RBMS3: variants seen among roughly 807,000 people sequenced by gnomAD.
RBMS3 encodes RNA-binding motif, single-stranded-interacting protein 3.
In RBMS3, 27 loss-of-function variants were observed where a neutral mutation model predicts 66.8. The observed-to-expected ratio is 0.40, with a 90% CI of 0.30 to 0.56. RBMS3 has a LOEUF of 0.56. RBMS3 is among the 20% of genes least tolerant of loss of function. RBMS3 has a pLI of 0.40. For synonymous variants in RBMS3, 188 were observed against 183.0 expected (o/e 1.03, Z -0.22); for missense variants, 513 against 549.5 (o/e 0.93, Z 0.66).
chr3:29,632,465 T>C (rs2049319302), intron 4 of RBMS3, among the ~76,000 whole-genome samples: 1 of 151,948 alleles, frequency 6.6e-6, no homozygotes, highest in Non-Finnish European at 1.5e-5. Flanking sequence ...ATTGAAATTC[T>C]AGAAAGTTTT....
chr3:29,892,835 GTATGTATGTATT>G (rs1382454722), intron 8 of RBMS3, among the ~76,000 whole-genome samples: 1 of 127,020 alleles, frequency 7.9e-6, no homozygotes, highest in South Asian at 2.4e-4. Flanking sequence ...ATGTATGTAT[GTATGTATGTATT>G]TATTTATTTA....
chr3:29,664,614 C>A (rs576532279), intron 4 of RBMS3, among the ~76,000 whole-genome samples: 15 of 149,700 alleles, frequency 1.0e-4, no homozygotes, highest in Non-Finnish European at 2.1e-4. Flanking sequence ...AAGCATTATA[C>A]AAAAAAATAG....
chr3:29,922,636 T>C (rs183334858), intron 10 of RBMS3, among the ~76,000 whole-genome samples: 1 of 152,314 alleles, frequency 6.6e-6, no homozygotes, highest in East Asian at 1.9e-4. Flanking sequence ...TTGCAGACGG[T>C]TTGGCATATA....
At chr3:29,691,949 A>ATTTTTCTTTTTTTTT (rs2052037464) in intron 4 of RBMS3, among the ~76,000 whole-genome samples, 1 of 65,014 alleles carries the variant, frequency 1.5e-5, no homozygotes, top group Non-Finnish European at 2.9e-5. Flanking sequence ...CTCTCTCTCT[A>ATTTTTCTTTTTTTTT]TTTTTTTTTT....
chr3:29,455,803 C>CAAA (rs1156784644), intron 2 of RBMS3, among the ~76,000 whole-genome samples: 35 of 116,970 alleles, frequency 3.0e-4, no homozygotes, highest in Middle Eastern at 4.2e-3. Context: ...CACACACGCA[C>CAAA]AAAAAAAAAA....
At chr3:29,931,439 T>C (rs953082725) in intron 10 of RBMS3, among the ~76,000 whole-genome samples, 1 of 152,192 alleles carries the variant, frequency 6.6e-6, no homozygotes, top group Non-Finnish European at 1.5e-5. Flanking sequence ...GCTTACAAAG[T>C]TAAAGGCTAC....
intron 1 of RBMS3, among the ~76,000 whole-genome samples, chr3:29,424,681 AC>A (rs1470732013): frequency 2.6e-5 from 4 of 152,272 alleles, no homozygotes; most frequent in Admixed American, 1.3e-4. Flanking sequence ...TATCAAAAAA[AC>A]CTGATACTAT....
intron 3 of RBMS3, among the ~76,000 whole-genome samples, chr3:29,514,588 G>T (rs1313080396): frequency 2.7e-5 from 4 of 147,386 alleles, no homozygotes; most frequent in Non-Finnish European, 5.9e-5. Context: ...AAAAGGAAGC[G>T]ATTTATCCCC....
chr3:29,696,543 T>C (rs1044429436), intron 4 of RBMS3, among the ~76,000 whole-genome samples: 9 of 152,200 alleles, frequency 5.9e-5, no homozygotes, highest in African/African-American at 2.2e-4. Context: ...GATCTTTTGT[T>C]ACATCAGCCA....
intron 1 of RBMS3, among the ~76,000 whole-genome samples, chr3:29,428,609 T>C (rs151145552): frequency 7.8e-4 from 118 of 152,198 alleles, no homozygotes; most frequent in Admixed American, 4.8e-3. Context: ...CAACTAACCT[T>C]TCTCCAAACC....
chr3:29,721,416 T>C (rs1388572121), intron 4 of RBMS3, among the ~76,000 whole-genome samples: 1 of 152,184 alleles, frequency 6.6e-6, no homozygotes, highest in Non-Finnish European at 1.5e-5. Flanking sequence ...AGTGGTCTAA[T>C]ACTAGGGTAT....
intron 5 of RBMS3, among the ~76,000 whole-genome samples, chr3:29,754,590 C>G (rs1226509462): frequency 6.6e-6 from 1 of 152,158 alleles, no homozygotes; most frequent in Non-Finnish European, 1.5e-5. Flanking sequence ...CACTGAAAGT[C>G]TGTTTCAGGT....
intron 10 of RBMS3, among the ~76,000 whole-genome samples, chr3:29,911,983 C>A (rs115553338): frequency 0.041 from 5,852 of 141,722 alleles, 411 homozygotes; most frequent in African/African-American, 0.14. Flanking sequence ...TACATAATAG[C>A]TAGATAGATA....
At chr3:29,413,681 G>T (rs187259436) in intron 1 of RBMS3, among the ~76,000 whole-genome samples, 3 of 152,120 alleles carry the variant, frequency 2.0e-5, no homozygotes, top group African/African-American at 7.2e-5. Flanking sequence ...ATAAGACATA[G>T]GAGGTCATTT....
chr3:29,380,174 G>A (rs1220087813), intron 1 of RBMS3, among the ~76,000 whole-genome samples: 2 of 150,754 alleles, frequency 1.3e-5, no homozygotes, highest in East Asian at 3.9e-4. Flanking sequence ...AGAATATAAA[G>A]AATAGTGAGA....
chr3:29,324,872 C>T (rs961562875), intron 1 of RBMS3, among the ~76,000 whole-genome samples: 1 of 151,804 alleles, frequency 6.6e-6, no homozygotes, highest in Non-Finnish European at 1.5e-5. Flanking sequence ...CTCATTATTC[C>T]CTTTGTTTTC....
At chr3:29,860,838 C>T (rs965774605) in intron 6 of RBMS3, among the ~76,000 whole-genome samples, 4 of 152,102 alleles carry the variant, frequency 2.6e-5, no homozygotes, top group African/African-American at 4.8e-5. Flanking sequence ...GAATATCACA[C>T]GAATAGTTTA....
At chr3:29,941,564 T>C (rs908564709) in intron 11 of RBMS3, among the ~76,000 whole-genome samples, 2 of 151,750 alleles carry the variant, frequency 1.3e-5, no homozygotes. Flanking sequence ...TGAAAGACCT[T>C]TGAAGGGAGT....
chr3:29,699,594 A>G (rs774150840), intron 4 of RBMS3, among the ~76,000 whole-genome samples: 1 of 152,232 alleles, frequency 6.6e-6, no homozygotes, highest in Non-Finnish European at 1.5e-5. Flanking sequence ...ATTAGGATGT[A>G]TGTAACTCAT....
Sources: allele counts gnomAD v4.1 joint callset (sites outside exome capture counted in the v4.1 genomes callset), GRCh38; gene constraint gnomAD v4.1.1; transcripts MANE v1.5; gene names NCBI Gene and HGNC (gene_info 2026-07-23, HGNC 2026-07-21).